The following KLHL2 variants were observed in gnomAD, a reference collection of about 807,000 sequenced individuals.
KLHL2 encodes kelch-like protein 2.
KLHL2 carries 15 observed loss-of-function variants against 75.8 expected under a neutral mutation model. That is an observed-to-expected ratio of 0.20 (90% CI 0.13 to 0.30). KLHL2 has a LOEUF of 0.30. Among genes scored for constraint, KLHL2 ranks in the 10% least tolerant of loss-of-function variants. The pLI is 1.00. For synonymous variants in KLHL2, 214 were observed against 251.9 expected, an observed-to-expected ratio of 0.85 and a Z score of 1.42; for missense variants, 381 against 741.0, an observed-to-expected ratio of 0.51 and a Z score of 5.64.
At chr4:165,251,822 G>T (rs1302677397) in intron 4 of KLHL2, among the ~76,000 whole-genome samples, 3 of 151,754 alleles carry the variant, frequency 2.0e-5, no homozygotes, top group Non-Finnish European at 2.9e-5. Flanking sequence ...TTTTAGCCGG[G>T]ATGGTCTCGA....
rs575397024 is a variant in KLHL2 at position 165,248,972 on chromosome 4, A to G, written c.381+10073A>G. ...ATTTTTCTAGACTGTATTCTTCAGC[A>G]TGCATTTCTAGCATGGAAATACCCA... On this transcript the variant is annotated intron_variant, in intron 4 of 14. Coordinates refer to ENST00000226725, the MANE Select transcript of KLHL2 (RefSeq NM_007246.4). Among the ~76,000 whole-genome samples the G allele has an allele frequency of 2.0e-5, 3 of 152,356 alleles. No individual in the cohort carries two copies. The South Asian group carries it at 6.2e-4, about 32-fold the overall frequency.
At chr4:165,310,288 G>T (rs944160928) in intron 9 of KLHL2, among the ~76,000 whole-genome samples, 3 of 152,298 alleles carry the variant, frequency 2.0e-5, no homozygotes, top group South Asian at 2.1e-4. Context: ...TGGCGCCACT[G>T]CACTCCAGCC....
At chr4:165,240,262 C>G (rs1020156955) in intron 4 of KLHL2, 5 of 152,214 alleles carry the variant, frequency 3.3e-5, no homozygotes, top group African/African-American at 1.2e-4. Context: ...ATTCTACTTG[C>G]ACAAATAGGA....
intron 5 of KLHL2, among the ~76,000 whole-genome samples, chr4:165,282,421 G>T (rs1743763262): frequency 6.6e-6 from 1 of 152,188 alleles, no homozygotes; most frequent in African/African-American, 2.4e-5. Flanking sequence ...TTAGTTGATG[G>T]TATATTCAGT....
At chr4:165,239,312 G>C (rs1382774078) in intron 4 of KLHL2, among the ~76,000 whole-genome samples, 1 of 150,308 alleles carries the variant, frequency 6.7e-6, no homozygotes, top group Non-Finnish European at 1.5e-5. Context: ...CTCTCAGGGT[G>C]GTGTGTGGTG....
intron 3 of KLHL2, among the ~76,000 whole-genome samples, chr4:165,231,484 G>A (rs1176577851): frequency 2.0e-5 from 3 of 152,096 alleles, no homozygotes; most frequent in East Asian, 1.9e-4. Context: ...CTGATTTTTA[G>A]CAAATTTACT....
At chr4:165,314,310 C>A (rs2126577935) in intron 13 of KLHL2, 144 bp downstream of exon 13, 1 of 684,200 alleles carries the variant, frequency 1.5e-6, no homozygotes. Context: ...CTCTTTAAAG[C>A]CAGAAACTTA....
At chr4:165,288,192 A>G (rs1744230284) in intron 5 of KLHL2, among the ~76,000 whole-genome samples, 3 of 152,134 alleles carry the variant, frequency 2.0e-5, no homozygotes. Context: ...GGCGTATATG[A>G]TCCACCTTCA....
At chr4:165,263,984 A>G (rs7685245) in intron 5 of KLHL2, among the ~76,000 whole-genome samples, 68,641 of 151,642 alleles carry the variant, frequency 0.45, 16,937 homozygotes, top group African/African-American at 0.65. Flanking sequence ...TCCCTGTGGC[A>G]GAGGGAGGGC....
At chr4:165,254,581 G>C (rs1318451925) in intron 4 of KLHL2, among the ~76,000 whole-genome samples, 2 of 149,524 alleles carry the variant, frequency 1.3e-5, no homozygotes, top group Non-Finnish European at 3.0e-5. Context: ...TGACAGCAAA[G>C]ATATGCTAAG....
chr4:165,298,013 G>C (rs1379416723), intron 7 of KLHL2, among the ~76,000 whole-genome samples: 1 of 152,164 alleles, frequency 6.6e-6, no homozygotes, highest in Non-Finnish European at 1.5e-5. Flanking sequence ...AGTAGAGTTG[G>C]GGTTTTGCCC....
intron 14 of KLHL2, among the ~76,000 whole-genome samples, chr4:165,320,259 G>T (rs1377894101): frequency 6.6e-6 from 1 of 152,158 alleles, no homozygotes. Flanking sequence ...TTTATGATTT[G>T]GACTGCTCTT....
At chr4:165,245,069 G>A (rs573457813) in intron 4 of KLHL2, among the ~76,000 whole-genome samples, 10 of 152,114 alleles carry the variant, frequency 6.6e-5, no homozygotes, top group Non-Finnish European at 1.3e-4. Context: ...TTAGCCAGGC[G>A]TGGTGGTGCA....
chr4:165,245,123 G>T (rs149956601), intron 4 of KLHL2, among the ~76,000 whole-genome samples: 1 of 152,110 alleles, frequency 6.6e-6, no homozygotes, highest in African/African-American at 2.4e-5. Context: ...CAGGAGAATC[G>T]CTTGAACCCG....
At chr4:165,260,669 C>T (rs1243368503) in intron 4 of KLHL2, among the ~76,000 whole-genome samples, 1 of 151,716 alleles carries the variant, frequency 6.6e-6, no homozygotes, top group African/African-American at 2.4e-5. Context: ...TTATTAGTTT[C>T]CTCTTTCGTT....
chr4:165,299,623 G>T lies in KLHL2; in HGVS notation c.888G>T (p.Arg296=). ...AGCGTATATTAATGAAGAGTGTCCG[G>T]ACCCGGCTGAGGACACCCATGAACC... ...TEQRILMKSV[R]TRLRTPMNLP... The change falls in exon 8 of 15, where the codon CGG becomes CGT. Residue 296 remains arginine, a synonymous_variant. Transcript: ENST00000226725. The T allele has an allele frequency of 6.2e-7, 1 of 1,612,958 alleles. No homozygotes were observed. The highest frequency in any genetic ancestry group is 1.1e-5 in the South Asian group (1 of 90,932).
intron 5 of KLHL2, among the ~76,000 whole-genome samples, chr4:165,284,267 C>T (rs1743915993): frequency 6.6e-6 from 1 of 152,136 alleles, no homozygotes; most frequent in South Asian, 2.1e-4. Flanking sequence ...TATTGTCAGG[C>T]TGCAAATTTT....
intron 7 of KLHL2, among the ~76,000 whole-genome samples, chr4:165,299,063 C>CT (rs1215878109): frequency 6.6e-6 from 1 of 151,242 alleles, no homozygotes; most frequent in Non-Finnish European, 1.5e-5. Context: ...TTTCTAATCT[C>CT]TTTTTGGGAT....
At chr4:165,230,798 T>G (rs1738824448) in intron 3 of KLHL2, among the ~76,000 whole-genome samples, 1 of 152,380 alleles carries the variant, frequency 6.6e-6, no homozygotes, top group East Asian at 1.9e-4. Context: ...TAATCTAAAC[T>G]GCATTTCAGT....
Sources: allele counts gnomAD v4.1 joint callset (sites outside exome capture counted in the v4.1 genomes callset), GRCh38; gene constraint gnomAD v4.1.1; transcripts MANE v1.5; gene names NCBI Gene and HGNC (gene_info 2026-07-23, HGNC 2026-07-21).